NRXN1: variants seen among roughly 807,000 people sequenced by gnomAD.
NRXN1 encodes the protein neurexin 1.
In NRXN1, 39 loss-of-function variants were observed where a neutral mutation model predicts 150.9. The observed-to-expected ratio is 0.26, with a 90% CI of 0.20 to 0.34. The LOEUF (loss-of-function observed/expected upper bound fraction) is 0.34, where lower values mean the gene tolerates loss of function less well. NRXN1 is among the 10% of genes least tolerant of loss of function. The pLI is 1.00. For synonymous variants in NRXN1, 924 were observed against 757.0 expected, an observed-to-expected ratio of 1.22 and a Z score of -3.62; for missense variants, 1,815 against 1,949.9, an observed-to-expected ratio of 0.93 and a Z score of 1.30.
chr2:50,541,797 T>G (rs556390601), intron 9 of NRXN1, among the ~76,000 whole-genome samples: 2 of 151,480 alleles, frequency 1.3e-5, no homozygotes, highest in Non-Finnish European at 2.9e-5. Flanking sequence ...ATTTTCTCTC[T>G]CATCATATCA....
chr2:50,575,798 T>C (rs759605858), intron 8 of NRXN1, among the ~76,000 whole-genome samples: 3 of 152,196 alleles, frequency 2.0e-5, no homozygotes, highest in Non-Finnish European at 4.4e-5. Context: ...AATGCATTAA[T>C]AGTCATGCTT....
At chr2:50,444,649 A>T (rs187734782) in intron 17 of NRXN1, among the ~76,000 whole-genome samples, 317 of 152,276 alleles carry the variant, frequency 2.1e-3, no homozygotes, top group Non-Finnish European at 3.1e-3. Flanking sequence ...GTCAGTGAGT[A>T]AGATAAATAA....
At chr2:50,528,122 A>C (rs1420569017) in intron 12 of NRXN1, among the ~76,000 whole-genome samples, 1 of 152,192 alleles carries the variant, frequency 6.6e-6, no homozygotes, top group African/African-American at 2.4e-5. Context: ...GGATGTAAAA[A>C]TTCATCATAT....
chr2:50,512,075 G>A (rs1003330615), intron 12 of NRXN1, among the ~76,000 whole-genome samples: 1 of 151,550 alleles, frequency 6.6e-6, no homozygotes, highest in Admixed American at 6.6e-5. Flanking sequence ...CCATATAAAA[G>A]CATATTAAAA....
At chr2:51,015,169 G>GTGTC (rs1351704568) in intron 2 of NRXN1, among the ~76,000 whole-genome samples, 5 of 151,892 alleles carry the variant, frequency 3.3e-5, no homozygotes, top group Admixed American at 2.6e-4. Flanking sequence ...ACTCTTCTCT[G>GTGTC]TGTCTGTCTG....
chr2:51,019,519 T>C (rs11694868), intron 2 of NRXN1, among the ~76,000 whole-genome samples: 5 of 152,104 alleles, frequency 3.3e-5, no homozygotes, highest in Non-Finnish European at 5.9e-5. Context: ...ACTTAATGTA[T>C]AATATTTTGG....
At chr2:49,939,159 A>G (rs756265689) in intron 22 of NRXN1, among the ~76,000 whole-genome samples, 1 of 152,206 alleles carries the variant, frequency 6.6e-6, no homozygotes, top group Non-Finnish European at 1.5e-5. Context: ...TACTTTTCAT[A>G]TATTAACTCC....
At chr2:50,637,316 A>C (rs1683374295) in intron 5 of NRXN1, among the ~76,000 whole-genome samples, 1 of 152,144 alleles carries the variant, frequency 6.6e-6, no homozygotes, top group Non-Finnish European at 1.5e-5. Context: ...AGTATTTTTC[A>C]TCCCAGATTC....
chr2:51,021,766 A>C (rs1162448579), intron 2 of NRXN1, among the ~76,000 whole-genome samples: 1 of 152,038 alleles, frequency 6.6e-6, no homozygotes, highest in Non-Finnish European at 1.5e-5. Flanking sequence ...TTCCTATTTG[A>C]TAGACAATGT....
intron 2 of NRXN1, among the ~76,000 whole-genome samples, chr2:51,012,078 C>G (rs761170425): frequency 1.2e-4 from 19 of 152,080 alleles, no homozygotes; most frequent in Admixed American, 3.3e-4. Flanking sequence ...CCAGCCCACC[C>G]CACTAAAATG....
intron 5 of NRXN1, among the ~76,000 whole-genome samples, chr2:50,660,501 C>T (rs765037168): frequency 5.3e-5 from 8 of 152,122 alleles, no homozygotes; most frequent in Non-Finnish European, 1.0e-4. Flanking sequence ...AATTAAGTCA[C>T]GACCTAGTAC....
chr2:50,037,487 C>T (rs1690220658), intron 21 of NRXN1, among the ~76,000 whole-genome samples: 1 of 152,084 alleles, frequency 6.6e-6, no homozygotes, highest in Non-Finnish European at 1.5e-5. Flanking sequence ...CCTGGTTTTT[C>T]ATTCTGGGTT....
intron 18 of NRXN1, among the ~76,000 whole-genome samples, chr2:50,143,921 TA>T (rs1277139002): frequency 6.6e-6 from 1 of 151,670 alleles, no homozygotes; most frequent in Admixed American, 6.6e-5. Context: ...TATAGAATAC[TA>T]AAAAAAAATT....
intron 5 of NRXN1, among the ~76,000 whole-genome samples, chr2:50,752,293 T>C (rs993220831): frequency 6.6e-6 from 1 of 151,992 alleles, no homozygotes; most frequent in Non-Finnish European, 1.5e-5. Flanking sequence ...CTTCTGAAGA[T>C]GGAAATACAC....
intron 18 of NRXN1, among the ~76,000 whole-genome samples, chr2:50,209,466 C>T (rs79898307): frequency 0.022 from 3,421 of 152,094 alleles, 129 homozygotes; most frequent in African/African-American, 0.078. Flanking sequence ...ATTTTACAAA[C>T]GAGAAGACTG....
chr2:50,295,773 A>C (rs975775010), intron 17 of NRXN1, among the ~76,000 whole-genome samples: 1 of 152,208 alleles, frequency 6.6e-6, no homozygotes, highest in East Asian at 1.9e-4. Context: ...TGAGGAAGTC[A>C]GTAGGCATAA....
At chr2:50,776,921 A>G (rs1375382194) in intron 5 of NRXN1, among the ~76,000 whole-genome samples, 4 of 152,134 alleles carry the variant, frequency 2.6e-5, no homozygotes, top group Non-Finnish European at 5.9e-5. Context: ...ATGCAATGCA[A>G]TCTAATGCCA....
At chr2:50,084,514 C>T (rs1698501077) in intron 19 of NRXN1, among the ~76,000 whole-genome samples, 1 of 152,196 alleles carries the variant, frequency 6.6e-6, no homozygotes. Flanking sequence ...GCAGGGCCCA[C>T]CAAGCCCACG....
At chr2:50,691,778 G>C (rs1692119267) in intron 5 of NRXN1, among the ~76,000 whole-genome samples, 1 of 151,950 alleles carries the variant, frequency 6.6e-6, no homozygotes, top group Non-Finnish European at 1.5e-5. Context: ...CAACCCCGAG[G>C]GCTGACTCGG....
Sources: gnomAD v4.1 joint callset for allele counts (sites outside exome capture counted in the v4.1 genomes callset) on GRCh38, gnomAD v4.1.1 for gene constraint, MANE v1.5 for transcripts, NCBI Gene and HGNC (gene_info 2026-07-23, HGNC 2026-07-21) for gene names.